SPMIP2: variants seen among roughly 807,000 people sequenced by gnomAD.
The protein encoded by SPMIP2 is sperm microtubule inner protein 2, also known as protein SPMIP2.
chr4:158,992,431 G>T, the SPMIP2 span, among the ~76,000 whole-genome samples: 1 of 152,228 alleles, frequency 6.6e-6, no homozygotes, highest in South Asian at 2.1e-4. Context: ...AACATAGATG[G>T]TTTTTCCCTA....
chr4:158,999,549 T>G, the SPMIP2 span, among the ~76,000 whole-genome samples: 1 of 152,242 alleles, frequency 6.6e-6, no homozygotes, highest in African/African-American at 2.4e-5. Context: ...TTGAGAAATA[T>G]TTAATGGTGT....
chr4:159,029,508 C>T, the SPMIP2 span, among the ~76,000 whole-genome samples: 1 of 152,090 alleles, frequency 6.6e-6, no homozygotes, highest in Non-Finnish European at 1.5e-5. Context: ...AAAAGAATTT[C>T]AATTCCTTTA....
the SPMIP2 span, among the ~76,000 whole-genome samples, chr4:158,911,077 G>T: frequency 6.6e-6 from 1 of 152,176 alleles, no homozygotes; most frequent in South Asian, 2.1e-4. Flanking sequence ...ACCAACTTAA[G>T]AGTTATCCCA....
At chr4:158,967,623 A>G in the SPMIP2 span, among the ~76,000 whole-genome samples, 1,418 of 152,338 alleles carry the variant, frequency 9.3e-3, 7 homozygotes, top group Non-Finnish European at 0.015. Context: ...TACTGATAAC[A>G]TCTGGAGATT....
chr4:158,956,520 G>A, the SPMIP2 span, among the ~76,000 whole-genome samples: 7 of 152,310 alleles, frequency 4.6e-5, no homozygotes, highest in Middle Eastern at 3.4e-3. Context: ...CGGAGATCGC[G>A]CCGTTGCACT....
the SPMIP2 span, among the ~76,000 whole-genome samples, chr4:158,979,803 T>TTG: frequency 1.4e-5 from 2 of 147,646 alleles, no homozygotes; most frequent in Non-Finnish European, 3.0e-5. Flanking sequence ...TTTTTTTTTT[T>TTG]TTTTTTTTTT....
At chr4:158,985,328 C>CA in the SPMIP2 span, among the ~76,000 whole-genome samples, 1 of 140,930 alleles carries the variant, frequency 7.1e-6, no homozygotes, top group African/African-American at 2.6e-5. Flanking sequence ...GAGACACAAC[C>CA]AAAAAAGAGA....
At chr4:158,983,961 A>C in the SPMIP2 span, among the ~76,000 whole-genome samples, 4 of 113,314 alleles carry the variant, frequency 3.5e-5, no homozygotes, top group Non-Finnish European at 7.1e-5. Context: ...TCTACCAAGC[A>C]AATGGAAAAC....
the SPMIP2 span, among the ~76,000 whole-genome samples, chr4:158,974,013 A>C: frequency 6.8e-6 from 1 of 146,600 alleles, no homozygotes; most frequent in African/African-American, 2.5e-5. Flanking sequence ...AAAAGACATG[A>C]TATATACTAA....
chr4:159,035,836 A>T, the SPMIP2 span, among the ~76,000 whole-genome samples: 1 of 152,240 alleles, frequency 6.6e-6, no homozygotes, highest in African/African-American at 2.4e-5. Flanking sequence ...CTGCAGACAC[A>T]GCTAAGTGCT....
the SPMIP2 span, among the ~76,000 whole-genome samples, chr4:158,910,163 G>A: frequency 2.6e-5 from 4 of 152,298 alleles, no homozygotes; most frequent in East Asian, 7.7e-4. Flanking sequence ...TTACAGGCAT[G>A]AGCCACCAGG....
the SPMIP2 span, among the ~76,000 whole-genome samples, chr4:159,066,143 C>T: frequency 3.9e-5 from 6 of 152,098 alleles, no homozygotes; most frequent in Admixed American, 6.5e-5. Flanking sequence ...ATTCCATTTA[C>T]CTTTTACGCA....
chr4:158,925,703 G>T, the SPMIP2 span, among the ~76,000 whole-genome samples: 3 of 152,184 alleles, frequency 2.0e-5, no homozygotes, highest in African/African-American at 7.2e-5. Flanking sequence ...ATGCTCTCTG[G>T]CCTGCTGCTC....
At chr4:159,043,613 C>T in the SPMIP2 span, among the ~76,000 whole-genome samples, 1 of 152,206 alleles carries the variant, frequency 6.6e-6, no homozygotes, top group South Asian at 2.1e-4. Flanking sequence ...TCCCAAAGTG[C>T]TGGGATTACG....
At chr4:159,007,420 G>A in the SPMIP2 span, 2 of 668,538 alleles carry the variant, frequency 3.0e-6, no homozygotes, top group East Asian at 3.5e-5. Context: ...AGAAGGTCCT[G>A]TTCCTGCTTG....
chr4:159,005,411 C>T, the SPMIP2 span, among the ~76,000 whole-genome samples: 1 of 151,860 alleles, frequency 6.6e-6, no homozygotes, highest in African/African-American at 2.4e-5. Flanking sequence ...GCCATTGCAC[C>T]GCAGCCTGGG....
chr4:159,056,611 TA>T, the SPMIP2 span, among the ~76,000 whole-genome samples: 1 of 152,208 alleles, frequency 6.6e-6, no homozygotes. Flanking sequence ...CAAACTAAGA[TA>T]AATGCTAGAA....
At chr4:158,978,131 T>C in the SPMIP2 span, among the ~76,000 whole-genome samples, 1,527 of 152,332 alleles carry the variant, frequency 0.01, 25 homozygotes, top group African/African-American at 0.035. Context: ...TTTGTTTTCA[T>C]TGGTTTCAAA....
the SPMIP2 span, among the ~76,000 whole-genome samples, chr4:159,052,610 C>CTGT: frequency 6.7e-6 from 1 of 149,148 alleles, no homozygotes; most frequent in Non-Finnish European, 1.5e-5. Flanking sequence ...TATCTCAAGA[C>CTGT]TATTATTATT....
Sources: allele counts gnomAD v4.1 joint callset (sites outside exome capture counted in the v4.1 genomes callset), GRCh38; gene constraint gnomAD v4.1.1; transcripts MANE v1.5; gene names NCBI Gene and HGNC (gene_info 2026-07-23, HGNC 2026-07-21).